Variants in PIP4K2B observed in about 807,000 individuals in gnomAD.
PIP4K2B encodes phosphatidylinositol 5-phosphate 4-kinase type-2 beta.
A neutral mutation model predicts 42.0 loss-of-function variants in PIP4K2B; 3 were observed. That is an observed-to-expected ratio of 0.07 (90% CI 0.03 to 0.18). The LOEUF is 0.18. Ranked by LOEUF, PIP4K2B falls within the 10% of genes least tolerant of loss-of-function variation. PIP4K2B has a pLI of 1.00. For synonymous variants in PIP4K2B, 204 were observed against 210.1 expected, an observed-to-expected ratio of 0.97 and a Z score of 0.25; for missense variants, 332 against 562.3, an observed-to-expected ratio of 0.59 and a Z score of 4.14.
intron 7 of PIP4K2B, among the ~76,000 whole-genome samples, chr17:38,775,806 C>T (rs909444456): frequency 4.6e-5 from 7 of 151,684 alleles, no homozygotes; most frequent in African/African-American, 1.2e-4. Flanking sequence ...TGCAGTGAGC[C>T]GAGATCGCAC....
At chr17:38,784,968 G>A (rs1909926581) in intron 2 of PIP4K2B, among the ~76,000 whole-genome samples, 2 of 152,136 alleles carry the variant, frequency 1.3e-5, no homozygotes, top group African/African-American at 4.8e-5. Context: ...CTCTCCTCTG[G>A]CCATATTCCT....
Position 38,765,880 on chromosome 17 carries a change from G to A in PIP4K2B, c.*3811C>T, listed in dbSNP as rs1908673134. 2 of 152,792 alleles carry A rather than the reference G, an allele frequency of 1.3e-5. No individual in the cohort carries two copies. Among genetic ancestry groups the A allele is most frequent in the Admixed American group, 1.3e-4 (2 of 15,302 alleles). 9.5% of individuals were successfully genotyped at this position (152,792 alleles called of 1,614,324 possible). A position where few individuals can be genotyped will look rare whatever the true frequency, so the allele number is the denominator to read the frequency against. On this transcript the variant is annotated 3_prime_UTR_variant, in exon 10 of 10. Transcript: ENST00000619039. The stretch of plus-strand genomic sequence containing the variant: ...ATGGAGAAGTCACACACTTGGTGGG[G>A]TGGTGGTTTGTCCTGCTTCCCCAAA...
At chr17:38,795,327 G>C (rs1910596807) in intron 1 of PIP4K2B, among the ~76,000 whole-genome samples, 2 of 151,974 alleles carry the variant, frequency 1.3e-5, no homozygotes, top group South Asian at 4.2e-4. Flanking sequence ...ACCAATGAAG[G>C]CTGGGGATGT....
At chr17:38,779,346 G>A in intron 5 of PIP4K2B, 37 bp downstream of exon 5, 1 of 1,582,584 alleles carries the variant, frequency 6.3e-7, no homozygotes, top group Middle Eastern at 2.3e-4. Flanking sequence ...CTCAGATAGA[G>A]GGGAGGCACA....
intron 5 of PIP4K2B, 46 bp from the exon 6 acceptor site, chr17:38,778,418 C>T (rs780752074): frequency 5.7e-6 from 9 of 1,579,754 alleles, no homozygotes; most frequent in Admixed American, 1.7e-5. Context: ...GAGGCAAAGT[C>T]GACTGCATGA....
chr17:38,786,000 A>G (rs1909990498), intron 2 of PIP4K2B, among the ~76,000 whole-genome samples: 1 of 152,186 alleles, frequency 6.6e-6, no homozygotes, highest in African/African-American at 2.4e-5. Flanking sequence ...CTTCTAGAAC[A>G]AGATGGTATT....
intron 9 of PIP4K2B, 119 bp from the exon 10 acceptor site, chr17:38,769,890 C>T (rs1908912004): frequency 8.2e-6 from 7 of 855,664 alleles, no homozygotes; most frequent in African/African-American, 1.7e-5. Flanking sequence ...GAATACCACC[C>T]CCAACCCCAC....
At chr17:38,787,101 C>CA (rs1385450197) in intron 1 of PIP4K2B, among the ~76,000 whole-genome samples, 181 bp from the exon 2 acceptor site, 2 of 152,134 alleles carry the variant, frequency 1.3e-5, no homozygotes, top group Non-Finnish European at 2.9e-5. Context: ...AGTGGCATGA[C>CA]AATGGCTCAT....
chr17:38,768,787 G>C lies in PIP4K2B; in HGVS notation c.*904C>G, dbSNP rs1908850831. 6.6e-6 allele frequency: 1 copy of C among 152,536 alleles called. No homozygotes were observed. The highest frequency in any genetic ancestry group is 2.4e-5 in the African/African-American group (1 of 41,446). 9.4% of individuals were successfully genotyped at this position (152,536 alleles called of 1,614,324 possible). On this transcript the variant is annotated 3_prime_UTR_variant, in exon 10 of 10. Coordinates refer to ENST00000619039, the MANE Select transcript of PIP4K2B (RefSeq NM_003559.5). ...AAGGGAAATAACCATTTAAACATGA[G>C]GGTCCTGATAAATCCAAAGGTACTC...
intron 1 of PIP4K2B, among the ~76,000 whole-genome samples, chr17:38,796,429 C>G (rs1910665136): frequency 6.6e-6 from 1 of 152,204 alleles, no homozygotes; most frequent in South Asian, 2.1e-4. Flanking sequence ...CAAGTCAGGT[C>G]TACCTCCCAT....
rs1908772653 is a variant in PIP4K2B, at chr17:38,767,610, A to C, written c.*2081T>G. The C allele has an allele frequency of 2.0e-5, 3 of 152,206 alleles. No individual in the cohort carries two copies. The highest frequency in any genetic ancestry group is 2.9e-5 in the Non-Finnish European group (2 of 68,040). The allele number at this position is 152,206 out of a possible 1,614,324, so 9.4% of individuals were successfully genotyped here. On this transcript the variant is annotated 3_prime_UTR_variant, in exon 10 of 10. Coordinates refer to ENST00000619039, the MANE Select transcript of PIP4K2B (RefSeq NM_003559.5). Reference sequence around the variant, plus strand: ...CCAGTAAGAATGTGTTACACTTTCCATACACATTATGGCAACATGATCAGC... The same window carrying C: ...CCAGTAAGAATGTGTTACACTTTCCCTACACATTATGGCAACATGATCAGC...
At position 38,765,876 on chromosome 17, in the gene PIP4K2B, T is replaced by TG. The variant is rs1908672799; in HGVS notation, c.*3814dup. 1 of 152,670 alleles carries TG rather than the reference T, an allele frequency of 6.6e-6. No homozygotes were observed. Among genetic ancestry groups the TG allele is most frequent in the African/African-American group, 2.4e-5 (1 of 41,454 alleles). The allele number at this position is 152,670 out of a possible 1,614,324, so 9.5% of individuals were successfully genotyped here. A position where few individuals can be genotyped will look rare whatever the true frequency, so the allele number is the denominator to read the frequency against. On this transcript the variant is annotated 3_prime_UTR_variant, in exon 10 of 10. Transcript: ENST00000619039. ...GGATATGGAGAAGTCACACACTTGGTGGGGTGGTGGTTTGTCCTGCTTCCC... is the reference window on the plus strand; with the variant it reads ...GGATATGGAGAAGTCACACACTTGGTGGGGGTGGTGGTTTGTCCTGCTTCCC...
chr17:38,777,726 A>T lies in PIP4K2B; in HGVS notation c.768T>A (p.Ser256Arg). The change falls in exon 7 of 10, where the codon AGT becomes AGA. Residue 256 changes from serine to arginine, a missense_variant. Around this residue, in one of 6 missense-constraint regions of PIP4K2B, gnomAD observed 26 missense variants for 23.7 expected, o/e 1.10. Coordinates refer to ENST00000619039, the MANE Select transcript of PIP4K2B (RefSeq NM_003559.5). The stretch of plus-strand genomic sequence containing the variant: ...TCAGTTTCTCCAGGAAGTTCTTTTT[A>T]CTCTCCTCTCCCACATGCAGCTTCT... ...EGQKLHVGEE[S>R]KKNFLEKLKR... 1 of 1,613,788 alleles carries T rather than the reference A, an allele frequency of 6.2e-7. No individual in the cohort carries two copies.
chr17:38,792,734 G>A (rs1394052900), intron 1 of PIP4K2B: 5 of 152,196 alleles, frequency 3.3e-5, no homozygotes, highest in African/African-American at 1.2e-4. Flanking sequence ...ACAGGACCGA[G>A]GAGGTCCAAA....
intron 1 of PIP4K2B, among the ~76,000 whole-genome samples, chr17:38,795,795 G>A (rs1910628533): frequency 6.6e-6 from 1 of 151,042 alleles, no homozygotes; most frequent in Admixed American, 6.6e-5. Flanking sequence ...TGGCCAGTAA[G>A]TACATGAAAA....
chr17:38,775,195 C>T (rs568114321), intron 7 of PIP4K2B, among the ~76,000 whole-genome samples: 3 of 152,160 alleles, frequency 2.0e-5, no homozygotes, highest in South Asian at 2.1e-4. Flanking sequence ...CCTCGTGATC[C>T]GCCTGCCTTG....
At chr17:38,779,313 T>C in intron 5 of PIP4K2B, 70 bp downstream of exon 5, 2 of 1,424,228 alleles carry the variant, frequency 1.4e-6, no homozygotes, top group African/African-American at 2.8e-5. Flanking sequence ...TACATGGAAG[T>C]TGGAGTAGTG....
intron 5 of PIP4K2B, among the ~76,000 whole-genome samples, 199 bp downstream of exon 5, chr17:38,779,184 C>T (rs1417250761): frequency 6.6e-6 from 1 of 152,206 alleles, no homozygotes; most frequent in South Asian, 2.1e-4. Flanking sequence ...ACATTTAGGG[C>T]TTAAATAATC....
At chr17:38,776,614 A>G (rs1324540520) in intron 7 of PIP4K2B, 1 of 446,560 alleles carries the variant, frequency 2.2e-6, no homozygotes, top group African/African-American at 2.0e-5. Flanking sequence ...CTGGGGACAG[A>G]ACGAGAATCT....
Sources: allele counts gnomAD v4.1 joint callset (sites outside exome capture counted in the v4.1 genomes callset), GRCh38; gene constraint gnomAD v4.1.1; regional missense constraint gnomAD v4.1.1; transcripts MANE v1.5; gene names NCBI Gene and HGNC (gene_info 2026-07-23, HGNC 2026-07-21).